ANKS1B: variants seen among roughly 807,000 people sequenced by gnomAD.
ANKS1B encodes ankyrin repeat and sterile alpha motif domain containing 1B, also known as ankyrin repeat and sterile alpha motif domain-containing protein 1B.
ANKS1B carries 36 observed loss-of-function variants against 148.3 expected under a neutral mutation model. The ratio of observed to expected loss-of-function variants is 0.24; its 90% CI spans 0.19 to 0.32. ANKS1B has a LOEUF of 0.32. Ranked by LOEUF, ANKS1B falls within the 10% of genes least tolerant of loss-of-function variation. ANKS1B has a pLI of 1.00. For synonymous variants in ANKS1B, 542 were observed against 560.8 expected (o/e 0.97, Z 0.47); for missense variants, 1,157 against 1,542.6 (o/e 0.75, Z 4.19).
intron 9 of ANKS1B, among the ~76,000 whole-genome samples, chr12:99,635,962 T>C (rs1033748260): frequency 6.6e-6 from 1 of 152,074 alleles, no homozygotes; most frequent in Non-Finnish European, 1.5e-5. Flanking sequence ...ATTTTATAAT[T>C]GTGGGGCTGG....
Position 99,845,938 on chromosome 12 carries a change from G to T in ANKS1B, c.135-20549C>A, listed in dbSNP as rs762962689. Among the ~76,000 whole-genome samples the T allele has an allele frequency of 4.6e-5, 7 of 152,112 alleles. No homozygotes were observed. The South Asian group carries it at 6.2e-4, about 14-fold the overall frequency. On this transcript the variant is annotated intron_variant, in intron 1 of 26. Coordinates refer to ENST00000683438, the MANE Select transcript of ANKS1B (RefSeq NM_001352186.2). The stretch of plus-strand genomic sequence containing the variant: ...AGTTTTTCAGTTAAGCAAAAGAATG[G>T]CACATCATCTTTATGAATTAAATGT...
At chr12:99,089,930 C>A (rs1260576034) in intron 15 of ANKS1B, among the ~76,000 whole-genome samples, 1 of 152,022 alleles carries the variant, frequency 6.6e-6, no homozygotes, top group Non-Finnish European at 1.5e-5. Flanking sequence ...GATCAAAGAC[C>A]CAAATGCAGT....
At chr12:99,554,069 C>T (rs12298864) in intron 9 of ANKS1B, among the ~76,000 whole-genome samples, 1,981 of 152,190 alleles carry the variant, frequency 0.013, 46 homozygotes, top group African/African-American at 0.045. Context: ...GAAAGCAAAG[C>T]CCAGATATGA....
At chr12:99,451,754 T>A (rs1258892660) in intron 10 of ANKS1B, among the ~76,000 whole-genome samples, 1 of 151,704 alleles carries the variant, frequency 6.6e-6, no homozygotes, top group African/African-American at 2.4e-5. Flanking sequence ...TTTCACATAG[T>A]GTTACAAAGA....
At chr12:99,343,291 T>C (rs2090190576) in intron 12 of ANKS1B, among the ~76,000 whole-genome samples, 1 of 152,122 alleles carries the variant, frequency 6.6e-6, no homozygotes, top group Non-Finnish European at 1.5e-5. Context: ...ATAGATCCAA[T>C]ATCCCATGAT....
chr12:99,600,564 C>G (rs1209680793), intron 9 of ANKS1B, among the ~76,000 whole-genome samples: 2 of 152,012 alleles, frequency 1.3e-5, no homozygotes, highest in Non-Finnish European at 2.9e-5. Flanking sequence ...CTTCCGTGGT[C>G]ATCAAATCAC....
intron 8 of ANKS1B, among the ~76,000 whole-genome samples, chr12:99,716,283 C>T (rs577845943): frequency 2.6e-5 from 4 of 151,986 alleles, no homozygotes; most frequent in South Asian, 4.2e-4. Flanking sequence ...TCCCTTATTT[C>T]CACACCCCGA....
chr12:98,813,869 TG>T (rs1276422521), intron 19 of ANKS1B, among the ~76,000 whole-genome samples: 1 of 139,766 alleles, frequency 7.2e-6, no homozygotes, highest in Non-Finnish European at 1.6e-5. Context: ...TAAACTATTT[TG>T]TTTTTTTAGT....
chr12:98,971,895 C>G (rs113786650), intron 17 of ANKS1B, among the ~76,000 whole-genome samples: 57 of 151,006 alleles, frequency 3.8e-4, no homozygotes, highest in Non-Finnish European at 7.4e-4. Flanking sequence ...AGGCCAGGTG[C>G]GGTGGCTCAT....
At chr12:99,213,205 G>A (rs566260448) in intron 14 of ANKS1B, among the ~76,000 whole-genome samples, 48 of 152,286 alleles carry the variant, frequency 3.2e-4, no homozygotes, top group African/African-American at 1.1e-3. Context: ...TGGCTATAGC[G>A]TCATTTCAGC....
chr12:98,858,397 G>C (rs376038810), intron 17 of ANKS1B, among the ~76,000 whole-genome samples: 1 of 152,226 alleles, frequency 6.6e-6, no homozygotes, highest in East Asian at 1.9e-4. Flanking sequence ...AGGCTTCAGC[G>C]AAGTGCTGAG....
At chr12:99,138,633 A>G (rs1161165291) in intron 15 of ANKS1B, among the ~76,000 whole-genome samples, 1 of 152,200 alleles carries the variant, frequency 6.6e-6, no homozygotes, top group Non-Finnish European at 1.5e-5. Context: ...TGTCTGAAGC[A>G]CAGTTTCAGG....
chr12:99,202,463 G>T lies in ANKS1B; in HGVS notation c.2419+41879C>A, dbSNP rs182828929. Among the ~76,000 whole-genome samples, 295 of 152,298 alleles carry T rather than the reference G, an allele frequency of 1.9e-3. 3 individuals carry two copies. Among genetic ancestry groups the T allele is most frequent in the Non-Finnish European group, 6.8e-4 (46 of 68,036 alleles). On this transcript the variant is annotated intron_variant, in intron 14 of 26. Transcript: ENST00000683438. Reference sequence around the variant, plus strand: ...GTATATGTGGCTGAAATGATGGTTAGTTCTCATTTCAGTACTTGGACGTCA... The same window carrying T: ...GTATATGTGGCTGAAATGATGGTTATTTCTCATTTCAGTACTTGGACGTCA...
At chr12:99,668,426 T>C (rs2098520144) in intron 8 of ANKS1B, among the ~76,000 whole-genome samples, 1 of 152,116 alleles carries the variant, frequency 6.6e-6, no homozygotes, top group Non-Finnish European at 1.5e-5. Flanking sequence ...CTCATTTTTT[T>C]TAAATGTGGA....
intron 9 of ANKS1B, among the ~76,000 whole-genome samples, chr12:99,516,165 A>AT (rs1193303914): frequency 6.6e-6 from 1 of 151,920 alleles, no homozygotes; most frequent in Non-Finnish European, 1.5e-5. Context: ...ATGTGCTCCC[A>AT]TTTGTCCATT....
chr12:98,794,738 C>A, intron 22 of ANKS1B: 1 of 1,007,648 alleles, frequency 9.9e-7, no homozygotes. Context: ...CCAGTGAGAG[C>A]TATGGAATAA....
intron 8 of ANKS1B, among the ~76,000 whole-genome samples, chr12:99,710,768 T>A (rs1176853748): frequency 1.3e-5 from 2 of 152,100 alleles, no homozygotes; most frequent in Admixed American, 1.3e-4. Context: ...TATTTACATA[T>A]GTTCCTTTAG....
intron 12 of ANKS1B, among the ~76,000 whole-genome samples, chr12:99,393,262 T>C (rs1200573954): frequency 6.6e-6 from 1 of 152,194 alleles, no homozygotes; most frequent in Non-Finnish European, 1.5e-5. Flanking sequence ...TTGAAATATC[T>C]TAGCAGATGG....
intron 11 of ANKS1B, among the ~76,000 whole-genome samples, chr12:99,403,152 CTTTTTTTTTTTT>C (rs143800860): frequency 2.7e-5 from 2 of 73,150 alleles, no homozygotes; most frequent in East Asian, 8.7e-4. Context: ...ACTTTTCTTT[CTTTTTTTTTTTT>C]TTTTTTTTTT....
Sources: allele counts gnomAD v4.1 joint callset (sites outside exome capture counted in the v4.1 genomes callset), GRCh38; gene constraint gnomAD v4.1.1; transcripts MANE v1.5; gene names NCBI Gene and HGNC (gene_info 2026-07-23, HGNC 2026-07-21).